Variants in PDE4B observed in about 807,000 individuals in gnomAD.
The protein encoded by PDE4B is 3',5'-cyclic-AMP phosphodiesterase 4B.
In PDE4B, 20 loss-of-function variants were observed where a neutral mutation model predicts 82.2. That is an observed-to-expected ratio of 0.24 (90% CI 0.17 to 0.35). PDE4B has a LOEUF of 0.35. PDE4B is among the 10% of genes least tolerant of loss of function. The pLI, the probability that PDE4B is intolerant of heterozygous loss-of-function variation, is 1.00. For missense variants in PDE4B, 655 were observed against 907.2 expected (o/e 0.72, Z 3.57); for synonymous variants, 320 against 318.9 (o/e 1.00, Z -0.04).
At chr1:65,855,441 T>C (rs939302337) in intron 1 of PDE4B, among the ~76,000 whole-genome samples, 4 of 152,168 alleles carry the variant, frequency 2.6e-5, no homozygotes, top group African/African-American at 9.6e-5. Context: ...TAGCCCTTTT[T>C]CTAGAGGTAG....
At chr1:66,183,868 T>A (rs565409725) in intron 3 of PDE4B, among the ~76,000 whole-genome samples, 1 of 152,172 alleles carries the variant, frequency 6.6e-6, no homozygotes, top group East Asian at 1.9e-4. Context: ...CAGAATAACA[T>A]AGGTGCATAA....
chr1:66,158,756 A>G (rs1031382621), intron 3 of PDE4B, among the ~76,000 whole-genome samples: 6 of 152,242 alleles, frequency 3.9e-5, no homozygotes, highest in Admixed American at 1.3e-4. Context: ...ATACTATCCA[A>G]TCATAACACA....
chr1:66,331,856 C>T (rs1660136508), intron 7 of PDE4B: 1 of 985,654 alleles, frequency 1.0e-6, no homozygotes, highest in African/African-American at 1.7e-5. Context: ...CCTCATTTTC[C>T]CTCTAATTAA....
At chr1:66,318,401 A>T (rs1314213747) in intron 7 of PDE4B, among the ~76,000 whole-genome samples, 1 of 152,080 alleles carries the variant, frequency 6.6e-6, no homozygotes, top group Non-Finnish European at 1.5e-5. Flanking sequence ...TCTCCTTGAG[A>T]CTCACCCAAC....
At chr1:66,256,765 A>G (rs751843562) in intron 4 of PDE4B, among the ~76,000 whole-genome samples, 23 of 152,192 alleles carry the variant, frequency 1.5e-4, no homozygotes, top group Non-Finnish European at 2.4e-4. Context: ...AATGATGAGG[A>G]CAGGGAAGGT....
chr1:66,157,620 TG>T (rs1345126173), intron 3 of PDE4B, among the ~76,000 whole-genome samples: 1 of 152,214 alleles, frequency 6.6e-6, no homozygotes, highest in African/African-American at 2.4e-5. Context: ...TACAGCTTTT[TG>T]TCCCTTAACC....
chr1:65,909,087 G>C (rs1314526868), intron 1 of PDE4B, among the ~76,000 whole-genome samples: 1 of 152,098 alleles, frequency 6.6e-6, no homozygotes, highest in Non-Finnish European at 1.5e-5. Flanking sequence ...TTAAGGAGGA[G>C]AGAATAGATT....
intron 3 of PDE4B, among the ~76,000 whole-genome samples, chr1:66,230,891 C>T (rs1651894272): frequency 6.6e-6 from 1 of 151,952 alleles, no homozygotes; most frequent in Non-Finnish European, 1.5e-5. Context: ...ACTCAAAATA[C>T]AAAAATTAGC....
intron 3 of PDE4B, among the ~76,000 whole-genome samples, chr1:66,080,992 G>A (rs1353071187): frequency 6.6e-6 from 1 of 152,086 alleles, no homozygotes; most frequent in African/African-American, 2.4e-5. Context: ...TTGTAAGTGA[G>A]AACATGTTGT....
intron 3 of PDE4B, among the ~76,000 whole-genome samples, chr1:66,014,984 A>G (rs975915915): frequency 6.6e-6 from 1 of 152,132 alleles, no homozygotes; most frequent in African/African-American, 2.4e-5. Context: ...GGGCTTGATG[A>G]TCATTGCACA....
At chr1:66,202,439 C>G (rs545911063) in intron 3 of PDE4B, among the ~76,000 whole-genome samples, 2 of 152,256 alleles carry the variant, frequency 1.3e-5, no homozygotes, top group African/African-American at 4.8e-5. Context: ...CTAATGTTGA[C>G]AGTGGGGTGT....
intron 7 of PDE4B, among the ~76,000 whole-genome samples, chr1:66,268,667 CAAAAAAAAAA>C (rs36046564): frequency 3.3e-5 from 2 of 61,238 alleles, no homozygotes; most frequent in African/African-American, 1.4e-4. Flanking sequence ...GACTCCATCT[CAAAAAAAAAA>C]AAAAAAAAAA....
intron 3 of PDE4B, among the ~76,000 whole-genome samples, chr1:65,920,999 C>G (rs1177245397): frequency 2.7e-5 from 3 of 110,284 alleles, no homozygotes; most frequent in Non-Finnish European, 5.0e-5. Context: ...GACGGAGTCT[C>G]GCTCTGTCGC....
Position 66,271,920 on chromosome 1 carries a change from ACTTT to A in PDE4B, c.634+5836_634+5839del, listed in dbSNP as rs150015094. ...CCTCCAAACACACACACACTTTTGT[ACTTT>A]CTGCCATCCCTGCGTGGCATGTCGC... On this transcript the variant is annotated intron_variant, in intron 7 of 16. Coordinates refer to ENST00000341517, the MANE Select transcript of PDE4B (RefSeq NM_002600.4). Among the ~76,000 whole-genome samples the A allele has an allele frequency of 1.6e-4, 25 of 152,340 alleles. No homozygotes were observed. The East Asian group carries it at 4.2e-3, about 26-fold the overall frequency.
intron 2 of PDE4B, among the ~76,000 whole-genome samples, chr1:65,914,830 A>G (rs910236754): frequency 2.0e-5 from 3 of 152,188 alleles, no homozygotes; most frequent in African/African-American, 4.8e-5. Flanking sequence ...TGCAATGGAT[A>G]TGAACATTAA....
intron 7 of PDE4B, among the ~76,000 whole-genome samples, chr1:66,275,101 G>T (rs990822104): frequency 2.6e-5 from 4 of 152,146 alleles, no homozygotes; most frequent in Admixed American, 2.6e-4. Context: ...CCTAAATACA[G>T]CTTTTTCTCT....
chr1:65,814,792 TG>T (rs2101212197), intron 1 of PDE4B, among the ~76,000 whole-genome samples: 1 of 152,230 alleles, frequency 6.6e-6, no homozygotes, highest in South Asian at 2.1e-4. Flanking sequence ...TACATTTACC[TG>T]TTGATTGTCA....
chr1:66,271,692 T>A (rs1316604714), intron 7 of PDE4B, among the ~76,000 whole-genome samples: 1 of 152,198 alleles, frequency 6.6e-6, no homozygotes, highest in East Asian at 1.9e-4. Flanking sequence ...ACCCAGATAC[T>A]GTTGCCTGAA....
intron 3 of PDE4B, among the ~76,000 whole-genome samples, chr1:66,107,089 T>C (rs2937270): frequency 1 from 146,340 of 146,762 alleles, 72,961 homozygotes; most frequent in Middle Eastern, 1. Flanking sequence ...CTATAAATTT[T>C]CCTCTACACA....
Sources: allele counts gnomAD v4.1 joint callset (sites outside exome capture counted in the v4.1 genomes callset), GRCh38; gene constraint gnomAD v4.1.1; transcripts MANE v1.5; gene names NCBI Gene and HGNC (gene_info 2026-07-23, HGNC 2026-07-21).